Variants in CCDC15 observed in about 807,000 individuals in gnomAD.
CCDC15 encodes coiled-coil domain containing 15, also known as coiled-coil domain-containing protein 15.
A neutral mutation model predicts 114.5 loss-of-function variants in CCDC15; 105 were observed. The ratio of observed to expected loss-of-function variants is 0.92; its 90% confidence interval spans 0.78 to 1.08. The LOEUF (loss-of-function observed/expected upper bound fraction) is 1.08. Ranked by LOEUF, CCDC15 falls within the 50% of genes least tolerant of loss-of-function variation. The probability of loss-of-function intolerance (pLI) is 0.00; values close to 1 mark genes in which losing one functional copy is unlikely to be tolerated. For missense variants in CCDC15, 1,105 were observed against 1,093.6 expected (o/e 1.01, Z -0.15); for synonymous variants, 334 against 377.8 (o/e 0.88, Z 1.34).
chr11:125,000,632 A>G (rs985191206), intron 11 of CCDC15, among the ~76,000 whole-genome samples: 51 of 152,368 alleles, frequency 3.3e-4, no homozygotes, highest in African/African-American at 9.9e-4. Context: ...GAAGATAAAC[A>G]CAAATGAAAA....
intron 9 of CCDC15, 47 bp downstream of exon 9, chr11:124,991,630 T>A (rs1446336418): frequency 1.3e-6 from 2 of 1,490,506 alleles, no homozygotes; most frequent in Non-Finnish European, 1.8e-6. Context: ...TACCCAGGTT[T>A]TATAAATCCC....
chr11:124,959,322 T>G (rs943941530), intron 3 of CCDC15, 58 bp downstream of exon 3: 1 of 1,402,220 alleles, frequency 7.1e-7, no homozygotes, highest in Non-Finnish European at 9.6e-7. Context: ...TGTTATGAGA[T>G]AAGCTATTAG....
chr11:124,956,387 A>G (rs1947548902), intron 2 of CCDC15, among the ~76,000 whole-genome samples: 1 of 152,040 alleles, frequency 6.6e-6, no homozygotes, highest in African/African-American at 2.4e-5. Context: ...GCTGCAGTGA[A>G]CTATGATCAT....
At chr11:125,026,229 A>G (rs1289494109) in intron 13 of CCDC15, among the ~76,000 whole-genome samples, 1 of 152,186 alleles carries the variant, frequency 6.6e-6, no homozygotes, top group Non-Finnish European at 1.5e-5. Flanking sequence ...AGGTTTGCTG[A>G]AACTGAAGTT....
rs538070575 is a variant in CCDC15, at chr11:124,959,830, T to C, written c.343T>C (p.Ser115Pro). 3 of 1,599,770 alleles carry C rather than the reference T, an allele frequency of 1.9e-6. No homozygotes were observed. Among genetic ancestry groups the C allele is most frequent in the South Asian group, 2.3e-5 (2 of 88,550 alleles). The change falls in exon 4 of 16, where the codon TCC (serine) becomes CCC (proline). Residue 115 changes from serine to proline, a missense_variant. Coordinates refer to ENST00000344762, the MANE Select transcript of CCDC15 (RefSeq NM_025004.3). Reference protein sequence around the residue: ...KSYERAQKEGSIAMQSSATHL... With the variant: ...KSYERAQKEGPIAMQSSATHL... Reference sequence around the variant, plus strand: ...TTTCGTGTAGGCACAAAAAGAAGGCTCCATAGCCATGCAGTCTTCAGCAAC... The same window carrying C: ...TTTCGTGTAGGCACAAAAAGAAGGCCCCATAGCCATGCAGTCTTCAGCAAC...
rs745331772 is a variant in CCDC15, at chr11:124,986,798, G to C, written c.810G>C (p.Glu270Asp). The C allele has an allele frequency of 7.5e-5, 117 of 1,552,784 alleles. 1 individual carries two copies. Among genetic ancestry groups the C allele is most frequent in the Non-Finnish European group, 8.7e-7 (1 of 1,147,464 alleles). ...YEESSSLVTD[E>D]KGKEDLFGRG... ...AATCTTCATCTCTTGTAACTGATGA[G>C]AAAGGGAAAGAAGATTTGTTTGGGA... is the stretch of plus-strand genomic sequence containing the variant. The change falls in exon 7 of 16, where the codon GAG (glutamate) becomes GAC (aspartate). Residue 270 changes from glutamate to aspartate, a missense_variant. Coordinates refer to ENST00000344762, the MANE Select transcript of CCDC15 (RefSeq NM_025004.3).
rs750453198 is a variant in CCDC15 at position 124,988,006 on chromosome 11, C to A, written c.1780C>A (p.Pro594Thr). ...DFLPRDQGYL[P>T]KDQNILPICQ... ...TCTACCCAGAGACCAAGGTTATCTT[C>A]CTAAAGACCAAAATATTCTACCCAT... The change falls in exon 8 of 16, where the codon CCT (proline) becomes ACT (threonine). Residue 594 changes from proline (P) to threonine (T), a missense_variant. Pro to Thr is a conservative substitution (Grantham distance 38, BLOSUM62 -1). Coordinates refer to ENST00000344762, the MANE Select transcript of CCDC15 (RefSeq NM_025004.3). 1.2e-6 allele frequency: 2 copies of A among 1,613,572 alleles called. No homozygotes were observed. Among genetic ancestry groups the A allele is most frequent in the Non-Finnish European group, 1.7e-6 (2 of 1,179,716 alleles).
At chr11:124,994,886 G>A (rs1238197086) in intron 11 of CCDC15, among the ~76,000 whole-genome samples, 1 of 152,100 alleles carries the variant, frequency 6.6e-6, no homozygotes, top group Non-Finnish European at 1.5e-5. Flanking sequence ...AAAAATGAAG[G>A]CTTACGGCAA....
intron 13 of CCDC15, among the ~76,000 whole-genome samples, chr11:125,011,458 G>A (rs1565378905): frequency 1.3e-5 from 2 of 151,734 alleles, no homozygotes; most frequent in East Asian, 3.9e-4. Context: ...GGCTGATCTC[G>A]AACTCCTGAC....
chr11:125,024,158 A>G (rs1175185845), intron 13 of CCDC15, among the ~76,000 whole-genome samples: 2 of 152,118 alleles, frequency 1.3e-5, no homozygotes, highest in Non-Finnish European at 2.9e-5. Context: ...ATGTATTCCC[A>G]GCTTTCTCTT....
At chr11:125,026,834 G>A (rs185873055) in intron 13 of CCDC15, among the ~76,000 whole-genome samples, 138 of 152,102 alleles carry the variant, frequency 9.1e-4, no homozygotes, top group Middle Eastern at 3.4e-3. Context: ...TGGTGCACCC[G>A]TCACCCAAGC....
intron 13 of CCDC15, among the ~76,000 whole-genome samples, chr11:125,020,842 CA>C (rs1948656010): frequency 6.6e-6 from 1 of 151,874 alleles, no homozygotes; most frequent in African/African-American, 2.4e-5. Flanking sequence ...TTAGCACTAT[CA>C]TTTTTTATTT....
At chr11:125,002,547 A>G (rs910055723) in intron 11 of CCDC15, among the ~76,000 whole-genome samples, 5 of 152,130 alleles carry the variant, frequency 3.3e-5, no homozygotes, top group African/African-American at 1.2e-4. Context: ...ATTTAGGCCT[A>G]TGATGCATTT....
chr11:125,018,600 C>T (rs1948642882), intron 13 of CCDC15, among the ~76,000 whole-genome samples: 1 of 152,028 alleles, frequency 6.6e-6, no homozygotes, highest in South Asian at 2.1e-4. Context: ...TTGAGAGTTA[C>T]TTCTGTAATC....
intron 13 of CCDC15, among the ~76,000 whole-genome samples, chr11:125,013,719 C>T (rs1948611462): frequency 6.6e-6 from 1 of 152,166 alleles, no homozygotes; most frequent in Non-Finnish European, 1.5e-5. Context: ...CTAGTGAGTT[C>T]AGTTTGTGAC....
chr11:125,004,664 A>G (rs914045103), intron 12 of CCDC15, among the ~76,000 whole-genome samples: 5 of 152,080 alleles, frequency 3.3e-5, no homozygotes, highest in Non-Finnish European at 7.4e-5. Context: ...CTGAGGCTTT[A>G]GTATACCTCA....
chr11:124,962,692 A>G (rs1268451483), intron 4 of CCDC15, among the ~76,000 whole-genome samples: 1 of 151,658 alleles, frequency 6.6e-6, no homozygotes, highest in Non-Finnish European at 1.5e-5. Context: ...GTGCATGTGC[A>G]CAACGTGCAG....
At chr11:124,964,098 T>G (rs1216534517) in intron 4 of CCDC15, among the ~76,000 whole-genome samples, 7 of 152,204 alleles carry the variant, frequency 4.6e-5, no homozygotes. Flanking sequence ...TTTGTTCTTT[T>G]TGTTTAGGAT....
At chr11:125,012,284 T>C (rs560873275) in intron 13 of CCDC15, among the ~76,000 whole-genome samples, 29 of 152,278 alleles carry the variant, frequency 1.9e-4, no homozygotes, top group African/African-American at 7.0e-4. Flanking sequence ...CAGGCCAAAG[T>C]GGGACTATTA....
Sources: allele counts gnomAD v4.1 joint callset (sites outside exome capture counted in the v4.1 genomes callset), GRCh38; gene constraint gnomAD v4.1.1; transcripts MANE v1.5; gene names NCBI Gene and HGNC (gene_info 2026-07-23, HGNC 2026-07-21).